The following PTPRD variants were observed in gnomAD, a reference collection of about 807,000 sequenced individuals.
PTPRD encodes protein tyrosine phosphatase receptor type D.
A neutral mutation model predicts 214.5 loss-of-function variants in PTPRD; 34 were observed. That is an observed-to-expected ratio of 0.16 (90% CI 0.12 to 0.21). The LOEUF (loss-of-function observed/expected upper bound fraction) is 0.21. Ranked by LOEUF, PTPRD falls within the 10% of genes least tolerant of loss-of-function variation. The pLI is 1.00. For synonymous variants in PTPRD, 1,128 were observed against 845.7 expected, an observed-to-expected ratio of 1.33 and a Z score of -5.79; for missense variants, 2,545 against 2,398.7, an observed-to-expected ratio of 1.06 and a Z score of -1.27.
At chr9:8,739,932 C>T (rs1423149093) in intron 11 of PTPRD, among the ~76,000 whole-genome samples, 1 of 152,106 alleles carries the variant, frequency 6.6e-6, no homozygotes, top group African/African-American at 2.4e-5. Flanking sequence ...TGACTTTCAC[C>T]CTCCACCATG....
In PTPRD at chr9:8,465,540, A is replaced by T; in HGVS notation, c.3640T>A (p.Phe1214Ile). The change falls in exon 32 of 46, where the codon TTT (phenylalanine) becomes ATT (isoleucine). Residue 1214 changes from phenylalanine (F) to isoleucine (I), a missense_variant. Coordinates refer to ENST00000381196, the MANE Select transcript of PTPRD (RefSeq NM_002839.4). Reference protein sequence around the residue: ...TLGDDKHYGGFTNKQLQSGQE... With the variant: ...TLGDDKHYGGITNKQLQSGQE... Reference sequence around the variant, plus strand: ...CCACTTTGGAGTTGCTTGTTTGTAAATCCACCATAATGCTTGTCATCCCCC... The same window carrying T: ...CCACTTTGGAGTTGCTTGTTTGTAATTCCACCATAATGCTTGTCATCCCCC... 1 of 1,612,674 alleles carries T rather than the reference A, an allele frequency of 6.2e-7. No individual in the cohort carries two copies. The highest frequency in any genetic ancestry group is 8.5e-7 in the Non-Finnish European group (1 of 1,179,062).
chr9:9,756,817 G>A (rs538307818), intron 6 of PTPRD, among the ~76,000 whole-genome samples: 3 of 152,180 alleles, frequency 2.0e-5, no homozygotes, highest in Non-Finnish European at 2.9e-5. Flanking sequence ...ACAAAATACT[G>A]CCTCCCATGT....
intron 11 of PTPRD, among the ~76,000 whole-genome samples, chr9:8,815,020 GT>G (rs2096891632): frequency 6.6e-6 from 1 of 151,898 alleles, no homozygotes; most frequent in Admixed American, 6.6e-5. Flanking sequence ...AGCCAAATCT[GT>G]CTCAGCTTTA....
chr9:9,739,759 G>A (rs1391961408), intron 6 of PTPRD, among the ~76,000 whole-genome samples: 2 of 151,758 alleles, frequency 1.3e-5, no homozygotes, highest in Non-Finnish European at 2.9e-5. Context: ...AGATATATGT[G>A]CTGGGTCCTT....
chr9:10,312,480 G>C (rs184352842), intron 3 of PTPRD, among the ~76,000 whole-genome samples: 4 of 151,978 alleles, frequency 2.6e-5, no homozygotes, highest in Admixed American at 2.0e-4. Context: ...TTTTCAATAG[G>C]AAAACTCTAA....
At chr9:9,996,318 T>C (rs892901417) in intron 4 of PTPRD, among the ~76,000 whole-genome samples, 3 of 152,178 alleles carry the variant, frequency 2.0e-5, no homozygotes, top group Admixed American at 6.5e-5. Flanking sequence ...GAAGACAAAA[T>C]AGTAATTTGT....
chr9:8,928,580 G>GTACCGTGCTGTT (rs58910166), intron 11 of PTPRD, among the ~76,000 whole-genome samples: 1 of 149,428 alleles, frequency 6.7e-6, no homozygotes, highest in Non-Finnish European at 1.5e-5. Flanking sequence ...TTTGGTACCA[G>GTACCGTGCTGTT]TTGGTTACTC....
intron 9 of PTPRD, among the ~76,000 whole-genome samples, chr9:9,359,841 C>G (rs1489734867): frequency 6.6e-6 from 1 of 151,238 alleles, no homozygotes. Context: ...AGGCAATATG[C>G]TGGGCTTCCT....
intron 5 of PTPRD, among the ~76,000 whole-genome samples, chr9:9,769,976 T>C (rs866048343): frequency 5.9e-5 from 9 of 152,334 alleles, no homozygotes; most frequent in African/African-American, 2.2e-4. Context: ...CCATGGTGTA[T>C]ATGTGCCACA....
chr9:9,124,250 C>T (rs1307686574), intron 10 of PTPRD, among the ~76,000 whole-genome samples: 3 of 152,044 alleles, frequency 2.0e-5, no homozygotes, highest in African/African-American at 4.8e-5. Flanking sequence ...GTAACAAATA[C>T]TGGAAAAAGT....
intron 39 of PTPRD, among the ~76,000 whole-genome samples, chr9:8,361,510 T>C (rs1258714566): frequency 6.6e-6 from 1 of 152,162 alleles, no homozygotes; most frequent in Non-Finnish European, 1.5e-5. Flanking sequence ...ATAGGACACC[T>C]AGTCTAGGAG....
intron 36 of PTPRD, among the ~76,000 whole-genome samples, chr9:8,402,090 C>T (rs567229833): frequency 2.0e-5 from 3 of 152,286 alleles, no homozygotes; most frequent in Non-Finnish European, 2.9e-5. Flanking sequence ...AGAATACCTG[C>T]TGGTTAGCGC....
intron 3 of PTPRD, among the ~76,000 whole-genome samples, chr9:10,187,767 A>G (rs1231781429): frequency 6.6e-6 from 1 of 152,166 alleles, no homozygotes; most frequent in Non-Finnish European, 1.5e-5. Context: ...AGAAATAACT[A>G]TTTGTAGCTG....
At chr9:9,617,291 G>C (rs899233368) in intron 7 of PTPRD, among the ~76,000 whole-genome samples, 2 of 152,098 alleles carry the variant, frequency 1.3e-5, no homozygotes, top group African/African-American at 2.4e-5. Context: ...AACTAATTCA[G>C]GTCCTCTGCA....
intron 2 of PTPRD, among the ~76,000 whole-genome samples, chr9:10,419,090 T>C (rs930087204): frequency 6.6e-6 from 1 of 151,880 alleles, no homozygotes; most frequent in East Asian, 1.9e-4. Flanking sequence ...TACACAAAAA[T>C]TGGTCCCACG....
rs554336866 is a variant in PTPRD, at chr9:10,249,919, T to C, written c.-545+91044A>G. On this transcript the variant is annotated intron_variant, in intron 3 of 45. Transcript: ENST00000381196. Reference sequence around the variant, plus strand: ...AAATAAATAAAGCGCTTAAATATTTTCCTCTAAACACAATTAGAGACACAT... The same window carrying C: ...AAATAAATAAAGCGCTTAAATATTTCCCTCTAAACACAATTAGAGACACAT... 5.9e-5 allele frequency among the ~76,000 whole-genome samples: 9 copies of C among 152,236 alleles called. No individual in the cohort carries two copies. The South Asian group carries it at 1.7e-3, about 28-fold the overall frequency.
intron 7 of PTPRD, among the ~76,000 whole-genome samples, chr9:9,711,243 A>T (rs903042231): frequency 2.6e-5 from 4 of 152,162 alleles, no homozygotes; most frequent in African/African-American, 9.7e-5. Context: ...TGTGTTTGTG[A>T]GCAGAAATAT....
intron 4 of PTPRD, among the ~76,000 whole-genome samples, chr9:9,974,164 A>G (rs568094116): frequency 6.6e-6 from 1 of 152,330 alleles, no homozygotes; most frequent in African/African-American, 2.4e-5. Flanking sequence ...TCTATGTATC[A>G]GAGATTTGTT....
intron 2 of PTPRD, among the ~76,000 whole-genome samples, chr9:10,591,906 T>G (rs1244558438): frequency 3.3e-5 from 5 of 152,138 alleles, no homozygotes; most frequent in Non-Finnish European, 7.4e-5. Context: ...GAGTCAGTCC[T>G]GACGTGGCTA....
Sources: allele counts gnomAD v4.1 joint callset (sites outside exome capture counted in the v4.1 genomes callset), GRCh38; gene constraint gnomAD v4.1.1; transcripts MANE v1.5; gene names NCBI Gene and HGNC (gene_info 2026-07-23, HGNC 2026-07-21).